The following STXBP4 variants were observed in gnomAD, a reference collection of about 807,000 sequenced individuals.
STXBP4 encodes the protein syntaxin-binding protein 4.
A neutral mutation model predicts 76.1 loss-of-function variants in STXBP4; 55 were observed. The ratio of observed to expected loss-of-function variants is 0.72; its 90% confidence interval spans 0.58 to 0.91. STXBP4 has a LOEUF of 0.91. Ranked by LOEUF, STXBP4 falls within the 40% of genes least tolerant of loss-of-function variation. STXBP4 has a pLI of 0.00. For missense variants in STXBP4, 618 were observed against 636.9 expected, an observed-to-expected ratio of 0.97 and a Z score of 0.32; for synonymous variants, 201 against 220.2, an observed-to-expected ratio of 0.91 and a Z score of 0.77.
intron 15 of STXBP4, 61 bp downstream of exon 15, chr17:55,078,796 A>C: frequency 1.1e-6 from 1 of 925,310 alleles, no homozygotes; most frequent in Non-Finnish European, 1.8e-6. Context: ...TCATCTGGTC[A>C]TTGTGACTCA....
intron 12 of STXBP4, among the ~76,000 whole-genome samples, chr17:55,055,050 G>GTACC (rs2078906913): frequency 6.6e-6 from 1 of 152,058 alleles, no homozygotes; most frequent in Non-Finnish European, 1.5e-5. Flanking sequence ...AGTGTTAATA[G>GTACC]TACCTACCTT....
chr17:55,044,722 A>G (rs1431149328), intron 11 of STXBP4: 3 of 152,050 alleles, frequency 2.0e-5, no homozygotes, highest in Admixed American at 6.6e-5. Context: ...TTTCCCTTCA[A>G]TTTTGCTATG....
intron 1 of STXBP4, among the ~76,000 whole-genome samples, chr17:54,984,332 CTTTTTTCTTTTTTTTT>C (rs2077593254): frequency 7.7e-6 from 1 of 130,284 alleles, no homozygotes; most frequent in African/African-American, 3.0e-5. Context: ...CTCTCTTTTT[CTTTTTTCTTTTTTTTT>C]TTTTTTTTTT....
At chr17:55,077,268 A>G (rs2079194882) in intron 13 of STXBP4, among the ~76,000 whole-genome samples, 1 of 152,116 alleles carries the variant, frequency 6.6e-6, no homozygotes, top group Non-Finnish European at 1.5e-5. Context: ...TGAGTTTTAG[A>G]AATATCTCTC....
chr17:54,997,562 A>G (rs1363756488), intron 4 of STXBP4, among the ~76,000 whole-genome samples: 2 of 145,950 alleles, frequency 1.4e-5, no homozygotes, highest in South Asian at 2.1e-4. Context: ...ATAAATATAT[A>G]TATTATATAA....
chr17:55,105,459 CTTTCT>C (rs1459309658), intron 16 of STXBP4, among the ~76,000 whole-genome samples: 1 of 128,224 alleles, frequency 7.8e-6, no homozygotes, highest in South Asian at 2.7e-4. Context: ...ATCCTGAGTT[CTTTCT>C]TTTCTTTTTT....
chr17:55,000,862 A>G lies in STXBP4; in HGVS notation c.553A>G (p.Thr185Ala), dbSNP rs1341482762. The change falls in exon 7 of 18, where the codon ACT (threonine) becomes GCT (alanine). Residue 185 changes from threonine to alanine, a missense_variant. Transcript: ENST00000376352. ...GATTCCAATTACTTCAGAAAACAGTACTGTGGGTTTGTCTAATACAGGTAA... is the reference window on the plus strand; with the variant it reads ...GATTCCAATTACTTCAGAAAACAGTGCTGTGGGTTTGTCTAATACAGGTAA... ...VQIPITSENS[T>A]VGLSNTDVAS... 1 of 1,608,704 alleles carries G rather than the reference A, an allele frequency of 6.2e-7. No homozygotes were observed. Among genetic ancestry groups the G allele is most frequent in the African/African-American group, 1.3e-5 (1 of 74,782 alleles).
In STXBP4 at chr17:55,009,964, A is replaced by G. The variant is rs539773842; in HGVS notation, c.666+2367A>G. Among the ~76,000 whole-genome samples, 34 of 152,168 alleles carry G rather than the reference A, an allele frequency of 2.2e-4. No individual in the cohort carries two copies. The South Asian group carries it at 6.6e-3, about 30-fold the overall frequency. On this transcript the variant is annotated intron_variant, in intron 8 of 17. Transcript: ENST00000376352. Reference sequence around the variant, plus strand: ...CTCTTTTGGTTGCTACTTTGTAGACAGATTCAACTTTGTTGTCCATTACGT... The same window carrying G: ...CTCTTTTGGTTGCTACTTTGTAGACGGATTCAACTTTGTTGTCCATTACGT...
At chr17:55,104,663 C>A (rs2079608972) in intron 16 of STXBP4, among the ~76,000 whole-genome samples, 1 of 151,968 alleles carries the variant, frequency 6.6e-6, no homozygotes. Context: ...GGGAGGAGTC[C>A]CTCTTTTTCT....
At chr17:55,204,911 A>T in the STXBP4 span, among the ~76,000 whole-genome samples, 3 of 151,916 alleles carry the variant, frequency 2.0e-5, no homozygotes, top group Non-Finnish European at 4.4e-5. Context: ...TATATTTCTT[A>T]CTGTCTTGGC....
At chr17:55,066,066 A>T (rs544191758) in intron 12 of STXBP4, among the ~76,000 whole-genome samples, 4 of 152,328 alleles carry the variant, frequency 2.6e-5, no homozygotes, top group Admixed American at 2.6e-4. Context: ...ATTATTACAC[A>T]CTTTATAAAT....
chr17:55,043,637 G>A, intron 11 of STXBP4: 1 of 1,549,668 alleles, frequency 6.5e-7, no homozygotes, highest in Non-Finnish European at 8.7e-7. Flanking sequence ...TAGATGAAGA[G>A]CCAATAAAGC....
chr17:55,144,781 A>G (rs2080133985), intron 17 of STXBP4, among the ~76,000 whole-genome samples: 1 of 152,260 alleles, frequency 6.6e-6, no homozygotes, highest in Non-Finnish European at 1.5e-5. Context: ...GGGAAAGAAG[A>G]GCATGGGCTT....
the STXBP4 span, among the ~76,000 whole-genome samples, chr17:55,204,186 T>C: frequency 1.6e-4 from 24 of 152,068 alleles, no homozygotes; most frequent in Non-Finnish European, 3.1e-4. Flanking sequence ...TCCAGTTCAC[T>C]AATTGTCTCT....
At chr17:55,021,146 T>C (rs1218151658) in intron 8 of STXBP4, among the ~76,000 whole-genome samples, 3 of 152,136 alleles carry the variant, frequency 2.0e-5, no homozygotes, top group Admixed American at 6.5e-5. Context: ...GTTCCAGCAT[T>C]GTTTGGGTGA....
intron 12 of STXBP4, among the ~76,000 whole-genome samples, chr17:55,066,195 G>GTTGTTGTGTT (rs5821082): frequency 3.4e-5 from 5 of 148,970 alleles, no homozygotes; most frequent in African/African-American, 5.0e-5. Flanking sequence ...TGTGGGTTTT[G>GTTGTTGTGTT]TTGTTTTGTT....
At chr17:55,019,054 A>C (rs914005433) in intron 8 of STXBP4, among the ~76,000 whole-genome samples, 1 of 152,160 alleles carries the variant, frequency 6.6e-6, no homozygotes, top group Non-Finnish European at 1.5e-5. Context: ...TGGATTAGTT[A>C]ATTGTTTTCT....
chr17:55,085,358 TA>T (rs35797228), intron 16 of STXBP4, among the ~76,000 whole-genome samples: 22 of 151,024 alleles, frequency 1.5e-4, no homozygotes, highest in East Asian at 3.9e-4. Flanking sequence ...TAAAGTATAA[TA>T]AAAAAAAAGT....
At chr17:55,042,416 T>C (rs1218278358) in intron 10 of STXBP4, among the ~76,000 whole-genome samples, 1 of 152,156 alleles carries the variant, frequency 6.6e-6, no homozygotes. Flanking sequence ...TAATTGTTTT[T>C]ATTATTTTTT....
Sources: gnomAD v4.1 joint callset for allele counts (sites outside exome capture counted in the v4.1 genomes callset) on GRCh38, gnomAD v4.1.1 for gene constraint, MANE v1.5 for transcripts, NCBI Gene and HGNC (gene_info 2026-07-23, HGNC 2026-07-21) for gene names.